Variants in CNGB1 observed in about 807,000 individuals in gnomAD.
CNGB1 encodes the protein cyclic nucleotide-gated channel beta-1.
In CNGB1, 126 loss-of-function variants were observed where a neutral mutation model predicts 151.7. The observed-to-expected ratio is 0.83, with a 90% CI of 0.72 to 0.96. The LOEUF (loss-of-function observed/expected upper bound fraction) is 0.96, where lower values mean the gene tolerates loss of function less well. CNGB1 is among the 40% of genes least tolerant of loss of function. The pLI is 0.00. For missense variants in CNGB1, 1,698 were observed against 1,627.0 expected (o/e 1.04, Z -0.75); for synonymous variants, 623 against 635.1 (o/e 0.98, Z 0.29).
Position 57,960,883 on chromosome 16 carries a change from T to C in CNGB1, c.491A>G (p.Gln164Arg). 6.2e-7 allele frequency: 1 copy of C among 1,614,094 alleles called. No individual in the cohort carries two copies. Among genetic ancestry groups the C allele is most frequent in the South Asian group, 1.1e-5 (1 of 91,070 alleles). ...CTGAGGAAGCACTCTTTCCAGATTC[T>C]GCTCCAGCCACAGAAGCAGCCGCAG... ...PGLRLLLWLE[Q>R]NLERVLPQPP... The change falls in exon 8 of 33, where the codon CAG becomes CGG. Residue 164 changes from glutamine to arginine, a missense_variant. Transcript: ENST00000251102.
At chr16:57,904,656 G>C (rs1380268173) in intron 26 of CNGB1, 78 bp downstream of exon 26, 4 of 1,597,240 alleles carry the variant, frequency 2.5e-6, no homozygotes, top group Non-Finnish European at 3.4e-6. Context: ...AACGGGCACA[G>C]AGGGTGACAT....
intron 25 of CNGB1, among the ~76,000 whole-genome samples, chr16:57,908,279 G>A (rs1371846757): frequency 2.0e-5 from 3 of 152,242 alleles, no homozygotes; most frequent in Non-Finnish European, 4.4e-5. Context: ...TGAGGTTGGG[G>A]CATCTATACT....
intron 8 of CNGB1, 51 bp from the exon 9 acceptor site, chr16:57,960,581 CT>C (rs1235739225): frequency 1.9e-6 from 3 of 1,586,532 alleles, no homozygotes; most frequent in Non-Finnish European, 2.6e-6. Flanking sequence ...GCTCTGTGCG[CT>C]TCCCCAACCG....
intron 10 of CNGB1, among the ~76,000 whole-genome samples, chr16:57,959,368 C>A (rs554487952): frequency 6.6e-6 from 1 of 151,486 alleles, no homozygotes; most frequent in Non-Finnish European, 1.5e-5. Flanking sequence ...AATCCTGGCA[C>A]TTTGAGAGGC....
Position 57,963,339 on chromosome 16 carries a change from G to A in CNGB1, c.291-275C>T, listed in dbSNP as rs1159627514. 2.0e-5 allele frequency among the ~76,000 whole-genome samples: 3 copies of A among 152,298 alleles called. No individual in the cohort carries two copies. In the East Asian group the frequency reaches 5.8e-4, roughly 29 times the overall value. On this transcript the variant is annotated intron_variant, in intron 4 of 32. Coordinates refer to ENST00000251102, the MANE Select transcript of CNGB1 (RefSeq NM_001297.5). ...GCTCCACGTCCTTCTCTGAAAAATA[G>A]GGGATGCTGATGCTTCATGAGGCCA...
At chr16:57,950,270 A>T in intron 13 of CNGB1, 111 bp downstream of exon 13, 1 of 1,293,350 alleles carries the variant, frequency 7.7e-7, no homozygotes, top group Non-Finnish European at 1.1e-6. Flanking sequence ...AGGCAGGGGG[A>T]AGCAGGCTTG....
rs1001259747 is a variant in CNGB1 at position 57,897,857 on chromosome 16, C to T, written c.3034G>A (p.Gly1012Ser). Residue 1012 changes from glycine to serine, a missense_variant, in exon 30 of 33, where the codon GGC becomes AGC. Coordinates refer to ENST00000251102, the MANE Select transcript of CNGB1 (RefSeq NM_001297.5). ...ACCAGCACAGATTTCCCATCAGGGCCGCCCAAGACCTGCACTTGCCCTGCC... is the reference window on the plus strand; with the variant it reads ...ACCAGCACAGATTTCCCATCAGGGCTGCCCAAGACCTGCACTTGCCCTGCC... ...IQAGQVQVLG[G>S]PDGKSVLVTL... 13 of 1,614,102 alleles carry T rather than the reference C, an allele frequency of 8.1e-6. No homozygotes were observed. The highest frequency in any genetic ancestry group is 1.7e-5 in the Admixed American group (1 of 60,004).
At chr16:57,912,574 G>T (rs67716117) in intron 24 of CNGB1, among the ~76,000 whole-genome samples, 16,874 of 146,156 alleles carry the variant, frequency 0.12, 2,237 homozygotes, top group African/African-American at 0.34. Context: ...TTCCTGTGTT[G>T]TGTGTGTGTG....
At chr16:57,920,216 T>C (rs1960990496) in intron 19 of CNGB1, among the ~76,000 whole-genome samples, 171 bp downstream of exon 19, 1 of 152,154 alleles carries the variant, frequency 6.6e-6, no homozygotes, top group African/African-American at 2.4e-5. Flanking sequence ...CACCCTTGGG[T>C]ACATATCTCA....
intron 11 of CNGB1, among the ~76,000 whole-genome samples, chr16:57,958,068 T>C (rs1778574204): frequency 6.6e-6 from 1 of 152,210 alleles, no homozygotes; most frequent in Non-Finnish European, 1.5e-5. Flanking sequence ...GCCTTACTTC[T>C]TCCCAGAATC....
At chr16:57,903,491 CAAAT>C (rs534062543) in intron 27 of CNGB1, among the ~76,000 whole-genome samples, 2 of 151,964 alleles carry the variant, frequency 1.3e-5, no homozygotes, top group Non-Finnish European at 2.9e-5. Context: ...GACTCCATGT[CAAAT>C]AAATAAATAA....
intron 10 of CNGB1, among the ~76,000 whole-genome samples, chr16:57,959,442 C>T (rs1340327316): frequency 6.6e-6 from 1 of 152,086 alleles, no homozygotes; most frequent in East Asian, 1.9e-4. Flanking sequence ...GGCGAAACCC[C>T]GTCTCTACTA....
intron 14 of CNGB1, 141 bp downstream of exon 14, chr16:57,949,212 C>A: frequency 1.3e-6 from 2 of 1,482,970 alleles, no homozygotes; most frequent in Non-Finnish European, 1.8e-6. Context: ...CTTCTCGCAG[C>A]CTCTTTGGTC....
chr16:57,895,948 C>T (rs1960211985), intron 31 of CNGB1, among the ~76,000 whole-genome samples: 1 of 152,092 alleles, frequency 6.6e-6, no homozygotes, highest in African/African-American at 2.4e-5. Flanking sequence ...CAAGTAAATC[C>T]ATGCCTATAT....
chr16:57,928,150 G>A (rs1172654607), intron 17 of CNGB1, among the ~76,000 whole-genome samples: 2 of 152,196 alleles, frequency 1.3e-5, no homozygotes, highest in African/African-American at 2.4e-5. Flanking sequence ...TTGGCAGTTT[G>A]CCTCCAGCTG....
At position 57,919,106 on chromosome 16, in the gene CNGB1, C is replaced by G. The variant is rs35424571; in HGVS notation, c.1950G>C (p.Pro650=). The change falls in exon 20 of 33, where the codon CCG becomes CCC. Residue 650 remains proline (P), a synonymous_variant. Transcript: ENST00000251102. The part of the protein sequence containing the change: ...KKYQFPQSID[P]LTNLMYVLWL... ...CCATTCCCCAGGACTCACTGGTCAG[C>G]GGGTCAATGCTCTGGGGAAACTGGT... 81,415 of 1,614,122 alleles carry G rather than the reference C, an allele frequency of 0.05. 2,341 individuals carry two copies. Among genetic ancestry groups the G allele is most frequent in the African/African-American group, 0.086 (6,440 of 75,020 alleles).
intron 31 of CNGB1, among the ~76,000 whole-genome samples, chr16:57,889,448 C>T (rs1960026870): frequency 6.6e-6 from 1 of 152,200 alleles, no homozygotes; most frequent in South Asian, 2.1e-4. Flanking sequence ...ACACCAACAA[C>T]CATGTGATCC....
chr16:57,957,482 C>T lies in CNGB1; in HGVS notation c.838-105G>A, dbSNP rs558410803. ...CGTGACCTTGACCCACCTCTCCGGG[C>T]CTTAGTTGTCCCATGGGATGGAGAA... On this transcript the variant is annotated intron_variant, in intron 11 of 32. Coordinates refer to ENST00000251102, the MANE Select transcript of CNGB1 (RefSeq NM_001297.5). 54 of 916,948 alleles carry T rather than the reference C, an allele frequency of 5.9e-5. No individual in the cohort carries two copies. In the Admixed American group the frequency reaches 6.4e-4, roughly 11 times the overall value. 56.8% of individuals were successfully genotyped at this position (916,948 alleles called of 1,614,324 possible). A position where few individuals can be genotyped will look rare whatever the true frequency, so the allele number is the denominator to read the frequency against.
intron 14 of CNGB1, among the ~76,000 whole-genome samples, chr16:57,942,014 G>T (rs541117542): frequency 1.0e-3 from 157 of 152,026 alleles, no homozygotes; most frequent in African/African-American, 3.7e-3. Context: ...ACCACTCCTG[G>T]CTATTTTTGT....
Sources: allele counts gnomAD v4.1 joint callset (sites outside exome capture counted in the v4.1 genomes callset), GRCh38; gene constraint gnomAD v4.1.1; transcripts MANE v1.5; gene names NCBI Gene and HGNC (gene_info 2026-07-23, HGNC 2026-07-21).